Variants in STXBP5L observed in about 807,000 individuals in gnomAD.
The protein encoded by STXBP5L is syntaxin-binding protein 5-like.
Under a neutral mutation model 144.5 loss-of-function variants are expected in STXBP5L, and 65 were observed. That is an observed-to-expected ratio of 0.45 (90% CI 0.37 to 0.55). The LOEUF (loss-of-function observed/expected upper bound fraction) is 0.55. Ranked by LOEUF, STXBP5L falls within the 20% of genes least tolerant of loss-of-function variation. The pLI, the probability that STXBP5L is intolerant of heterozygous loss-of-function variation, is 0.00. For synonymous variants in STXBP5L, 505 were observed against 469.6 expected (o/e 1.08, Z -0.97); for missense variants, 1,298 against 1,405.5 (o/e 0.92, Z 1.22).
intron 2 of STXBP5L, among the ~76,000 whole-genome samples, chr3:120,944,773 G>A (rs1051330889): frequency 6.6e-6 from 1 of 151,638 alleles, no homozygotes; most frequent in African/African-American, 2.4e-5. Flanking sequence ...TTCTATCACC[G>A]TTATGCCACT....
At chr3:120,937,310 C>T (rs1328542215) in intron 2 of STXBP5L, among the ~76,000 whole-genome samples, 1 of 152,152 alleles carries the variant, frequency 6.6e-6, no homozygotes, top group Non-Finnish European at 1.5e-5. Flanking sequence ...TTGTTCTGAT[C>T]TTCACTGTAA....
chr3:121,015,689 C>T (rs1006929878), intron 3 of STXBP5L, among the ~76,000 whole-genome samples: 7 of 152,012 alleles, frequency 4.6e-5, no homozygotes, highest in African/African-American at 1.7e-4. Context: ...TCCGAATAAG[C>T]ATTGTAAAAT....
intron 18 of STXBP5L, among the ~76,000 whole-genome samples, chr3:121,266,033 G>A (rs930715261): frequency 6.6e-6 from 1 of 152,014 alleles, no homozygotes; most frequent in African/African-American, 2.4e-5. Flanking sequence ...ATTCACAGCC[G>A]AATTCTACCA....
intron 20 of STXBP5L, among the ~76,000 whole-genome samples, chr3:121,323,120 A>T (rs1417992284): frequency 1.3e-5 from 2 of 152,142 alleles, no homozygotes; most frequent in Non-Finnish European, 2.9e-5. Flanking sequence ...TAGGTTACAA[A>T]TATTTTCTCC....
intron 3 of STXBP5L, among the ~76,000 whole-genome samples, chr3:120,963,846 G>A (rs1939196937): frequency 6.6e-6 from 1 of 152,178 alleles, no homozygotes. Context: ...CAGAAGGAAT[G>A]ATACCAGCTC....
chr3:121,159,295 G>A (rs1193009268), intron 9 of STXBP5L, among the ~76,000 whole-genome samples: 1 of 151,704 alleles, frequency 6.6e-6, no homozygotes, highest in African/African-American at 2.4e-5. Flanking sequence ...ATTTAGACAT[G>A]TGCTTTCTAA....
chr3:121,028,672 A>AT (rs1239163626), intron 3 of STXBP5L, among the ~76,000 whole-genome samples: 2 of 151,958 alleles, frequency 1.3e-5, no homozygotes, highest in African/African-American at 2.4e-5. Flanking sequence ...TGGAACCATC[A>AT]TTTTTTTCTG....
chr3:120,921,562 T>C (rs956901112), intron 2 of STXBP5L, among the ~76,000 whole-genome samples: 2 of 151,966 alleles, frequency 1.3e-5, no homozygotes, highest in African/African-American at 4.8e-5. Context: ...ACTGATGTCT[T>C]GGAACATTTC....
intron 5 of STXBP5L, among the ~76,000 whole-genome samples, chr3:121,090,777 T>C (rs892142873): frequency 2.0e-5 from 3 of 152,144 alleles, no homozygotes; most frequent in Admixed American, 1.3e-4. Context: ...TTTTTTATTT[T>C]TTATTTTTTT....
intron 19 of STXBP5L, among the ~76,000 whole-genome samples, chr3:121,281,246 T>C (rs2051048788): frequency 1.3e-5 from 2 of 151,980 alleles, no homozygotes; most frequent in Admixed American, 6.6e-5. Context: ...GGCACAAAAT[T>C]TCTCTTTCAG....
chr3:121,190,063 AT>A (rs1317183270), intron 9 of STXBP5L, among the ~76,000 whole-genome samples: 7 of 150,274 alleles, frequency 4.7e-5, no homozygotes, highest in Non-Finnish European at 8.9e-5. Flanking sequence ...TTTTTTTTTA[AT>A]TTTTTTAGTA....
At chr3:120,988,603 A>C (rs543995482) in intron 3 of STXBP5L, among the ~76,000 whole-genome samples, 1 of 152,048 alleles carries the variant, frequency 6.6e-6, no homozygotes, top group African/African-American at 2.4e-5. Flanking sequence ...AATATTCTAT[A>C]TTTGTCAAAT....
chr3:121,246,122 G>T (rs1386039997), intron 14 of STXBP5L, among the ~76,000 whole-genome samples: 1 of 152,192 alleles, frequency 6.6e-6, no homozygotes, highest in African/African-American at 2.4e-5. Context: ...TAAGTGGCAG[G>T]CAAGTGAGCA....
At chr3:120,930,868 T>A (rs944304299) in intron 2 of STXBP5L, among the ~76,000 whole-genome samples, 1 of 152,164 alleles carries the variant, frequency 6.6e-6, no homozygotes, top group Non-Finnish European at 1.5e-5. Flanking sequence ...GGTACTCCTT[T>A]GTCATATATT....
chr3:120,962,387 T>C (rs1576498798), intron 3 of STXBP5L, among the ~76,000 whole-genome samples: 1 of 152,372 alleles, frequency 6.6e-6, no homozygotes, highest in Non-Finnish European at 1.5e-5. Flanking sequence ...CTAGGTTTTC[T>C]TCTAGGGTTT....
chr3:121,104,002 G>T (rs545060824), intron 5 of STXBP5L, among the ~76,000 whole-genome samples: 17 of 152,126 alleles, frequency 1.1e-4, no homozygotes, highest in Non-Finnish European at 2.1e-4. Context: ...ATTTCTGAAG[G>T]ACTATGAGTG....
At chr3:120,993,458 T>C (rs753607277) in intron 3 of STXBP5L, among the ~76,000 whole-genome samples, 11 of 152,116 alleles carry the variant, frequency 7.2e-5, no homozygotes, top group Non-Finnish European at 1.3e-4. Context: ...GTTTAAGGCT[T>C]TAAGCATTTG....
chr3:120,953,325 C>CTTTTT (rs397875191), intron 2 of STXBP5L, among the ~76,000 whole-genome samples: 6 of 105,706 alleles, frequency 5.7e-5, no homozygotes, highest in Admixed American at 1.1e-4. Context: ...TCACAATTGA[C>CTTTTT]TTTTTTTTTT....
At chr3:120,918,976 A>G (rs1709236717) in intron 2 of STXBP5L, among the ~76,000 whole-genome samples, 1 of 152,176 alleles carries the variant, frequency 6.6e-6, no homozygotes, top group Admixed American at 6.5e-5. Context: ...TGTTTTCTAG[A>G]CATGGTAACA....
Sources: gnomAD v4.1 joint callset for allele counts (sites outside exome capture counted in the v4.1 genomes callset) on GRCh38, gnomAD v4.1.1 for gene constraint, MANE v1.5 for transcripts, NCBI Gene and HGNC (gene_info 2026-07-23, HGNC 2026-07-21) for gene names.